PIK3C2G: variants seen among roughly 807,000 people sequenced by gnomAD.
PIK3C2G encodes the protein phosphatidylinositol-4-phosphate 3-kinase catalytic subunit type 2 gamma.
PIK3C2G carries 168 observed loss-of-function variants against 181.1 expected under a neutral mutation model. The ratio of observed to expected loss-of-function variants is 0.93; its 90% CI spans 0.82 to 1.05. The LOEUF (loss-of-function observed/expected upper bound fraction) is 1.05, where lower values mean the gene tolerates loss of function less well. Ranked by LOEUF, PIK3C2G falls within the 50% of genes least tolerant of loss-of-function variation. The pLI is 0.00. For synonymous variants in PIK3C2G, 573 were observed against 592.2 expected, an observed-to-expected ratio of 0.97 and a Z score of 0.47; for missense variants, 1,869 against 1,732.8, an observed-to-expected ratio of 1.08 and a Z score of -1.40.
chr12:18,247,184 T>C (rs1948049100), upstream of PIK3C2G, among the ~76,000 whole-genome samples: 1 of 152,158 alleles, frequency 6.6e-6, no homozygotes, highest in Admixed American at 6.5e-5. Context: ...TATTAATATC[T>C]CTCAGAAATA....
chr12:18,423,797 G>A (rs1471360061), intron 17 of PIK3C2G, 148 bp from the exon 18 acceptor site: 2 of 608,148 alleles, frequency 3.3e-6, no homozygotes, highest in East Asian at 2.8e-5. Flanking sequence ...GTCATATACC[G>A]ACTCATAAAA....
chr12:18,700,509 G>T, the PIK3C2G span, among the ~76,000 whole-genome samples: 5 of 4,540 alleles, frequency 1.1e-3, no homozygotes, highest in South Asian at 0.076. Flanking sequence ...CAGAGCCAAC[G>T]TACAAAAAAA....
intron 1 of PIK3C2G, among the ~76,000 whole-genome samples, chr12:18,271,438 A>G (rs1245591390): frequency 2.0e-5 from 3 of 152,132 alleles, no homozygotes; most frequent in Non-Finnish European, 4.4e-5. Flanking sequence ...GGCAAACAAA[A>G]TAAGAGACTG....
chr12:18,318,396 C>G (rs1432653761), intron 6 of PIK3C2G, among the ~76,000 whole-genome samples: 2 of 151,960 alleles, frequency 1.3e-5, no homozygotes, highest in African/African-American at 2.4e-5. Context: ...CTGAATTGCC[C>G]TATTTTACAT....
intron 24 of PIK3C2G, among the ~76,000 whole-genome samples, chr12:18,514,542 T>C (rs2136154575): frequency 6.6e-6 from 1 of 152,094 alleles, no homozygotes; most frequent in Middle Eastern, 3.4e-3. Context: ...CTTTTTCAGG[T>C]AGTTCTCTAC....
rs895616846 is a variant in PIK3C2G at position 18,393,308 on chromosome 12, G to C, written c.2126+2056G>C. On this transcript the variant is annotated intron_variant, in intron 15 of 32. Transcript: ENST00000538779. ...AATTATTAATGATCAGTGTGGTGCA[G>C]TTTTATTCTGGACTGTGAAAATAGA... Among the ~76,000 whole-genome samples the C allele has an allele frequency of 2.6e-5, 4 of 152,032 alleles. No homozygotes were observed. The South Asian group carries it at 6.2e-4, about 24-fold the overall frequency.
At chr12:18,708,660 C>G in the PIK3C2G span, among the ~76,000 whole-genome samples, 1 of 152,082 alleles carries the variant, frequency 6.6e-6, no homozygotes, top group Non-Finnish European at 1.5e-5. Context: ...CACGCCCTCG[C>G]CAACATTTGT....
chr12:18,488,619 A>G lies in PIK3C2G; in HGVS notation c.2675A>G (p.His892Arg). The G allele has an allele frequency of 6.6e-7, 1 of 1,511,410 alleles. No homozygotes were observed. Among genetic ancestry groups the G allele is most frequent in the Non-Finnish European group, 8.9e-7 (1 of 1,127,306 alleles). The allele number at this position is 1,511,410 out of a possible 1,614,324, so 93.6% of individuals were successfully genotyped here. A position where few individuals can be genotyped will look rare whatever the true frequency, so the allele number is the denominator to read the frequency against. The stretch of plus-strand genomic sequence containing the variant: ...GAAAGAGTCAAGTCTGCCAGTGACC[A>G]TCAAAGACAGGTTTGTTGAAATATT... Reference protein sequence around the residue: ...IGERVKSASDHQRQEVLKKEI... With the variant: ...IGERVKSASDRQRQEVLKKEI... Residue 892 changes from histidine to arginine, a missense_variant, in exon 19 of 33, where the codon CAT becomes CGT. Transcript: ENST00000538779.
intron 1 of PIK3C2G, among the ~76,000 whole-genome samples, chr12:18,267,789 G>A (rs1053431402): frequency 6.6e-6 from 1 of 152,126 alleles, no homozygotes; most frequent in Non-Finnish European, 1.5e-5. Flanking sequence ...CCAATATATA[G>A]TTCTTCTTTT....
chr12:18,482,924 C>G (rs773798495), intron 18 of PIK3C2G, among the ~76,000 whole-genome samples: 1 of 152,170 alleles, frequency 6.6e-6, no homozygotes, highest in Non-Finnish European at 1.5e-5. Flanking sequence ...CCTGATAACC[C>G]TTGAAGAGTT....
At chr12:18,423,378 G>C (rs78780098) in intron 17 of PIK3C2G, among the ~76,000 whole-genome samples, 5,014 of 152,102 alleles carry the variant, frequency 0.033, 116 homozygotes, top group Non-Finnish European at 0.053. Context: ...AGGATAGTGG[G>C]GGCTGCCACT....
intron 19 of PIK3C2G, 33 bp from the exon 20 acceptor site, chr12:18,491,418 T>C: frequency 8.9e-7 from 1 of 1,126,420 alleles, no homozygotes; most frequent in Admixed American, 2.0e-5. Context: ...TCTTTACATT[T>C]TCTTAAATCC....
At chr12:18,691,979 G>C in the PIK3C2G span, among the ~76,000 whole-genome samples, 1 of 152,086 alleles carries the variant, frequency 6.6e-6, no homozygotes, top group African/African-American at 2.4e-5. Flanking sequence ...AGATAAAGTG[G>C]CTAGGTCCTG....
intron 3 of PIK3C2G, among the ~76,000 whole-genome samples, chr12:18,289,868 G>C (rs1297187093): frequency 2.3e-5 from 3 of 131,018 alleles, no homozygotes. Context: ...ATGAGGTTTA[G>C]ATGTCAGCAT....
chr12:18,725,338 C>T, the PIK3C2G span, among the ~76,000 whole-genome samples: 1 of 152,036 alleles, frequency 6.6e-6, no homozygotes, highest in Non-Finnish European at 1.5e-5. Context: ...TGCTGAGGCA[C>T]GTGACAGCAG....
chr12:18,394,057 A>C (rs895028627), intron 15 of PIK3C2G, among the ~76,000 whole-genome samples: 3 of 152,056 alleles, frequency 2.0e-5, no homozygotes, highest in Non-Finnish European at 4.4e-5. Flanking sequence ...CTTCAGGGAG[A>C]TGTAAAATAA....
intron 16 of PIK3C2G, among the ~76,000 whole-genome samples, chr12:18,415,761 G>A (rs1463232600): frequency 1.3e-5 from 2 of 152,180 alleles, no homozygotes; most frequent in Admixed American, 1.3e-4. Context: ...TGATAAGAAA[G>A]TGAAACAGTC....
intron 24 of PIK3C2G, among the ~76,000 whole-genome samples, chr12:18,522,522 T>G (rs1592483994): frequency 7.3e-6 from 1 of 137,434 alleles, no homozygotes; most frequent in African/African-American, 2.8e-5. Flanking sequence ...TGTTGGCAGG[T>G]TTTTTTTTTT....
intron 26 of PIK3C2G, among the ~76,000 whole-genome samples, chr12:18,555,097 T>G (rs1366786742): frequency 6.6e-6 from 1 of 152,144 alleles, no homozygotes; most frequent in Non-Finnish European, 1.5e-5. Context: ...AGAAGCCTTA[T>G]GAGAAATATT....
Sources: gnomAD v4.1 joint callset for allele counts (sites outside exome capture counted in the v4.1 genomes callset) on GRCh38, gnomAD v4.1.1 for gene constraint, MANE v1.5 for transcripts, NCBI Gene and HGNC (gene_info 2026-07-23, HGNC 2026-07-21) for gene names.